The following KIRREL3 variants were observed in gnomAD, a reference collection of about 807,000 sequenced individuals.
KIRREL3 encodes the protein kirre like nephrin family adhesion molecule 3.
KIRREL3 carries 36 observed loss-of-function variants against 89.7 expected under a neutral mutation model. That is an observed-to-expected ratio of 0.40 (90% CI 0.31 to 0.53). KIRREL3 has a LOEUF of 0.53. KIRREL3 is among the 20% of genes least tolerant of loss of function. The pLI, the probability that KIRREL3 is intolerant of heterozygous loss-of-function variation, is 0.49. For missense variants in KIRREL3, 864 were observed against 1,056.6 expected (o/e 0.82, Z 2.53); for synonymous variants, 445 against 441.4 (o/e 1.01, Z -0.10).
rs950774544 is a variant in KIRREL3 at position 126,780,856 on chromosome 11, C to A, written c.56-217944G>T. ...GGAGGCTTCTCAGCTTTGCCACTGG[C>A]AACCATGAGCATGCCCTAGTGTCTT... On this transcript the variant is annotated intron_variant, in intron 1 of 16. Transcript: ENST00000525144. The surrounding 1 kb of genome is among the most constrained non-coding windows in gnomAD (Gnocchi z 5.3). Among the ~76,000 whole-genome samples, 1 of 152,230 alleles carries A rather than the reference C, an allele frequency of 6.6e-6. No homozygotes were observed. The highest frequency in any genetic ancestry group is 2.4e-5 in the African/African-American group (1 of 41,452).
Position 126,795,435 on chromosome 11 carries a change from T to A in KIRREL3, c.55+205020A>T. Among the ~76,000 whole-genome samples the A allele has an allele frequency of 6.6e-6, 1 of 152,212 alleles. No individual in the cohort carries two copies. Among genetic ancestry groups the A allele is most frequent in the South Asian group, 2.1e-4 (1 of 4,818 alleles). ...CCCAGCCTGGAGTGCAGTGGCGTGA[T>A]CTCTGCTCACTGCAACCTCCGCTTC... On this transcript the variant is annotated intron_variant, in intron 1 of 16. Coordinates refer to ENST00000525144, the MANE Select transcript of KIRREL3 (RefSeq NM_032531.4). The surrounding 1 kb of genome is among the most constrained non-coding windows in gnomAD (Gnocchi z 4.1).
At chr11:126,726,665 C>T (rs942790529) in intron 1 of KIRREL3, among the ~76,000 whole-genome samples, 3 of 152,084 alleles carry the variant, frequency 2.0e-5, no homozygotes, top group African/African-American at 7.2e-5. Context: ...ATGTGAGCCA[C>T]TGCGCCCAGC....
intron 1 of KIRREL3, among the ~76,000 whole-genome samples, chr11:126,597,928 C>T (rs1376372658): frequency 6.6e-6 from 1 of 152,218 alleles, no homozygotes; most frequent in African/African-American, 2.4e-5. Context: ...ACTTAAGTCA[C>T]CCATAGCATC....
chr11:126,473,776 G>A (rs1050743791), intron 4 of KIRREL3, among the ~76,000 whole-genome samples: 2 of 152,044 alleles, frequency 1.3e-5, no homozygotes, highest in Non-Finnish European at 2.9e-5. Flanking sequence ...TGGCCCAGGC[G>A]ATGTCTGTGG....
chr11:126,647,530 T>G lies in KIRREL3; in HGVS notation c.56-84618A>C, dbSNP rs528582876. Among the ~76,000 whole-genome samples, 1 of 152,356 alleles carries G rather than the reference T, an allele frequency of 6.6e-6. No homozygotes were observed. The highest frequency in any genetic ancestry group is 1.9e-4 in the East Asian group (1 of 5,182). ...CAGCAAACGTTTATCAGGCACCTTTTAGTGTAAGGTACTCTGCTGGGAGCC... is the reference window on the plus strand; with the variant it reads ...CAGCAAACGTTTATCAGGCACCTTTGAGTGTAAGGTACTCTGCTGGGAGCC... On this transcript the variant is annotated intron_variant, in intron 1 of 16. Coordinates refer to ENST00000525144, the MANE Select transcript of KIRREL3 (RefSeq NM_032531.4). The surrounding 1 kb of genome is among the most constrained non-coding windows in gnomAD (Gnocchi z 4.9).
chr11:126,884,871 G>T (rs1172983750), intron 1 of KIRREL3, among the ~76,000 whole-genome samples: 3 of 151,892 alleles, frequency 2.0e-5, no homozygotes, highest in Non-Finnish European at 4.4e-5. Flanking sequence ...GCAACCAATG[G>T]TTGCTTGGCA....
intron 1 of KIRREL3, among the ~76,000 whole-genome samples, chr11:126,632,060 CCATCA>C (rs557175271): frequency 1.1e-3 from 163 of 152,312 alleles, no homozygotes; most frequent in Admixed American, 4.0e-3. Context: ...ACTTGGAAGG[CCATCA>C]CATAGATTAC....
At chr11:126,789,222 C>T (rs1950566881) in intron 1 of KIRREL3, among the ~76,000 whole-genome samples, 1 of 152,106 alleles carries the variant, frequency 6.6e-6, no homozygotes, top group African/African-American at 2.4e-5. Flanking sequence ...CTTTCTTTCT[C>T]CTAAATTTAG....
chr11:126,451,817 C>CA (rs1956185651), intron 7 of KIRREL3, among the ~76,000 whole-genome samples: 1 of 151,814 alleles, frequency 6.6e-6, no homozygotes, highest in Non-Finnish European at 1.5e-5. Flanking sequence ...TCCCAACATT[C>CA]TTTTTTTTGA....
Position 126,984,073 on chromosome 11 carries a change from G to A in KIRREL3, c.55+16382C>T, listed in dbSNP as rs1415366368. On this transcript the variant is annotated intron_variant, in intron 1 of 16. Transcript: ENST00000525144. ...ACTTGCACGCCCAGAAAGCCACATG[G>A]CACCTTGTCTTGAAAAGAGACTGAG... Among the ~76,000 whole-genome samples the A allele has an allele frequency of 3.3e-5, 5 of 152,030 alleles. No individual in the cohort carries two copies. In the East Asian group the frequency reaches 9.6e-4, roughly 29 times the overall value.
chr11:126,978,399 C>T lies in KIRREL3; in HGVS notation c.55+22056G>A, dbSNP rs1021297061. Reference sequence around the variant, plus strand: ...CTCTGGAATGAACCTGCATTCTTTTCTTTGTTAACCCAACCCCTGGCAGCA... The same window carrying T: ...CTCTGGAATGAACCTGCATTCTTTTTTTTGTTAACCCAACCCCTGGCAGCA... On this transcript the variant is annotated intron_variant, in intron 1 of 16. Coordinates refer to ENST00000525144, the MANE Select transcript of KIRREL3 (RefSeq NM_032531.4). The surrounding 1 kb of genome is among the most constrained non-coding windows in gnomAD (Gnocchi z 4.2). Among the ~76,000 whole-genome samples the T allele has an allele frequency of 6.6e-6, 1 of 152,172 alleles. No individual in the cohort carries two copies. The highest frequency in any genetic ancestry group is 1.5e-5 in the Non-Finnish European group (1 of 68,026).
intron 1 of KIRREL3, among the ~76,000 whole-genome samples, chr11:126,934,476 A>G (rs954503115): frequency 6.6e-6 from 1 of 152,224 alleles, no homozygotes; most frequent in Non-Finnish European, 1.5e-5. Context: ...AAATTTCTGC[A>G]TTTGAAAAGA....
rs981425071 is a variant in KIRREL3, at chr11:126,563,728, T to C, written c.56-816A>G. 2.6e-5 allele frequency among the ~76,000 whole-genome samples: 4 copies of C among 152,218 alleles called. No homozygotes were observed. Among genetic ancestry groups the C allele is most frequent in the East Asian group, 1.9e-4 (1 of 5,206 alleles). ...ACAGTATTTTGTAAATCAGTGTCCA[T>C]TGTGTGTGTGAGCATTAAATTGGAG... On this transcript the variant is annotated intron_variant, in intron 1 of 16. Coordinates refer to ENST00000525144, the MANE Select transcript of KIRREL3 (RefSeq NM_032531.4). This position sits in a 1 kb window ranked among gnomAD's most constrained non-coding sequence, Gnocchi z 6.8.
chr11:126,899,009 T>TC (rs1555079800), intron 1 of KIRREL3, among the ~76,000 whole-genome samples: 1 of 149,644 alleles, frequency 6.7e-6, no homozygotes, highest in East Asian at 2.0e-4. Flanking sequence ...CAGGGGAGTT[T>TC]GGGGGGGGTC....
chr11:126,784,650 G>A (rs957794923), intron 1 of KIRREL3, among the ~76,000 whole-genome samples: 9 of 144,972 alleles, frequency 6.2e-5, no homozygotes, highest in African/African-American at 2.1e-4. Context: ...AATGAACATA[G>A]CCTCATGTTA....
At chr11:126,629,755 G>T (rs1943940624) in intron 1 of KIRREL3, among the ~76,000 whole-genome samples, 1 of 152,170 alleles carries the variant, frequency 6.6e-6, no homozygotes, top group Admixed American at 6.5e-5. Flanking sequence ...TCATCTCAGG[G>T]CTGGTTGTGT....
rs143428375 is a variant in KIRREL3 at position 126,808,812 on chromosome 11, C to T, written c.55+191643G>A. On this transcript the variant is annotated intron_variant, in intron 1 of 16. Coordinates refer to ENST00000525144, the MANE Select transcript of KIRREL3 (RefSeq NM_032531.4). This position sits in a 1 kb window ranked among gnomAD's most constrained non-coding sequence, Gnocchi z 4.1. ...CAGTGCTTCTAGAAAAGATAAGGGG[C>T]TCTTGTAAAAAGTTCTACAATTTGT... Among the ~76,000 whole-genome samples the T allele has an allele frequency of 1.3e-5, 2 of 152,082 alleles. No homozygotes were observed. The highest frequency in any genetic ancestry group is 4.8e-5 in the African/African-American group (2 of 41,410).
chr11:126,478,645 GTA>G (rs1212066817), intron 4 of KIRREL3, among the ~76,000 whole-genome samples: 3 of 150,430 alleles, frequency 2.0e-5, no homozygotes, highest in African/African-American at 7.3e-5. Context: ...GTGTATGTGT[GTA>G]TGTATGTGTA....
chr11:126,547,788 G>A (rs1938932575), intron 2 of KIRREL3, among the ~76,000 whole-genome samples: 2 of 152,206 alleles, frequency 1.3e-5, no homozygotes, highest in Non-Finnish European at 2.9e-5. Flanking sequence ...CACAATAGGG[G>A]CTTAGTCAAG....
Sources: gnomAD v4.1 joint callset for allele counts (sites outside exome capture counted in the v4.1 genomes callset) on GRCh38, gnomAD v4.1.1 for gene constraint, Gnocchi (gnomAD v3.1) non-coding constraint, MANE v1.5 for transcripts, NCBI Gene and HGNC (gene_info 2026-07-23, HGNC 2026-07-21) for gene names.